Variants in CNTN4 observed in about 807,000 individuals in gnomAD.
CNTN4 encodes the protein contactin 4, also known as contactin-4.
A neutral mutation model predicts 122.5 loss-of-function variants in CNTN4; 77 were observed. The observed-to-expected ratio is 0.63, with a 90% confidence interval of 0.52 to 0.76. The LOEUF is 0.76. Ranked by LOEUF, CNTN4 falls within the 30% of genes least tolerant of loss-of-function variation. The pLI is 0.00. For synonymous variants in CNTN4, 512 were observed against 447.0 expected, an observed-to-expected ratio of 1.15 and a Z score of -1.83; for missense variants, 1,256 against 1,259.1, an observed-to-expected ratio of 1.00 and a Z score of 0.04.
At chr3:2,955,703 T>C (rs1054107736) in intron 13 of CNTN4, among the ~76,000 whole-genome samples, 1 of 152,218 alleles carries the variant, frequency 6.6e-6, no homozygotes, top group Non-Finnish European at 1.5e-5. Flanking sequence ...TAATATCTCA[T>C]GGCAGAGGCT....
At chr3:2,833,229 C>A (rs1197903466) in intron 7 of CNTN4, among the ~76,000 whole-genome samples, 1 of 152,118 alleles carries the variant, frequency 6.6e-6, no homozygotes, top group East Asian at 1.9e-4. Flanking sequence ...GAGTTGCCGC[C>A]AATGCAGATT....
intron 2 of CNTN4, among the ~76,000 whole-genome samples, chr3:2,140,782 T>C (rs764694220): frequency 6.6e-6 from 1 of 152,202 alleles, no homozygotes; most frequent in Non-Finnish European, 1.5e-5. Context: ...TCAAAATTTA[T>C]ATTTTGCACT....
At chr3:2,301,423 T>TA (rs1351188125) in intron 2 of CNTN4, among the ~76,000 whole-genome samples, 1 of 152,234 alleles carries the variant, frequency 6.6e-6, no homozygotes, top group African/African-American at 2.4e-5. Context: ...AGAAAGCTTG[T>TA]AATACGCTTT....
intron 2 of CNTN4, among the ~76,000 whole-genome samples, chr3:2,232,502 A>C (rs2039524456): frequency 1.3e-5 from 2 of 152,074 alleles, no homozygotes; most frequent in Middle Eastern, 3.2e-3. Flanking sequence ...ATCTCATTTT[A>C]TCTTTACAGC....
At position 2,809,893 on chromosome 3, in the gene CNTN4, TC is replaced by T. The variant is rs573750704; in HGVS notation, c.359-9592del. ...AAAGGTCTAGATAAAATAGAGTATG[TC>T]AAAGAAATGAGGAAAAGGAAAGAAC... On this transcript the variant is annotated intron_variant, in intron 6 of 24. Coordinates refer to ENST00000418658, the MANE Select transcript of CNTN4 (RefSeq NM_175607.3). 1.8e-3 allele frequency among the ~76,000 whole-genome samples: 277 copies of T among 152,084 alleles called. 3 individuals carry two copies. Among genetic ancestry groups the T allele is most frequent in the African/African-American group, 6.3e-3 (262 of 41,458 alleles).
intron 4 of CNTN4, among the ~76,000 whole-genome samples, chr3:2,727,205 GA>G (rs2149432366): frequency 6.6e-6 from 1 of 152,238 alleles, no homozygotes; most frequent in South Asian, 2.1e-4. Context: ...TGTAATTTTA[GA>G]AGAGAAATAT....
At chr3:2,498,954 T>C (rs2076524167) in intron 3 of CNTN4, among the ~76,000 whole-genome samples, 1 of 152,106 alleles carries the variant, frequency 6.6e-6, no homozygotes. Context: ...CACACCAGGC[T>C]AATTTTTGTA....
In CNTN4 at chr3:2,571,433, A is replaced by C; in HGVS notation, c.-71A>C. The C allele has an allele frequency of 9.3e-7, 1 of 1,076,940 alleles. No individual in the cohort carries two copies. Among genetic ancestry groups the C allele is most frequent in the East Asian group, 2.4e-5 (1 of 42,252 alleles). 66.7% of individuals were successfully genotyped at this position (1,076,940 alleles called of 1,614,324 possible). On this transcript the variant is annotated 5_prime_UTR_variant, in exon 4 of 25. Coordinates refer to ENST00000418658, the MANE Select transcript of CNTN4 (RefSeq NM_175607.3). ...TCCCACAGATTAAAGGTTATACAAAACTTAAAAGAAGCAGCAATTCTATTC... is the reference window on the plus strand; with the variant it reads ...TCCCACAGATTAAAGGTTATACAAACCTTAAAAGAAGCAGCAATTCTATTC...
chr3:2,709,408 G>A lies in CNTN4; in HGVS notation c.56-26807G>A, dbSNP rs2675294. 0.56 allele frequency among the ~76,000 whole-genome samples: 85,187 copies of A among 151,678 alleles called. 27,337 individuals are homozygous for A. The highest frequency in any genetic ancestry group is 0.97 in the East Asian group (5,002 of 5,136). On this transcript the variant is annotated intron_variant, in intron 4 of 24. Transcript: ENST00000418658. This position sits in a 1 kb window ranked among gnomAD's most constrained non-coding sequence, Gnocchi z 5.0. ...GATTTGATTGGTAAGGGTACAACCT[G>A]TGCACCAGGGATTTTCAAAGTTCCC...
At chr3:2,927,982 T>C (rs2094488873) in intron 13 of CNTN4, among the ~76,000 whole-genome samples, 1 of 152,176 alleles carries the variant, frequency 6.6e-6, no homozygotes, top group Non-Finnish European at 1.5e-5. Flanking sequence ...GATGATTTTG[T>C]TAATGTAAAT....
chr3:2,552,997 AGTACAC>A (rs1188446631), intron 3 of CNTN4, among the ~76,000 whole-genome samples: 2 of 152,160 alleles, frequency 1.3e-5, no homozygotes, highest in African/African-American at 2.4e-5. Context: ...CTCCTTGGCA[AGTACAC>A]GTCTTACCTG....
chr3:2,687,519 T>A (rs1161869868), intron 4 of CNTN4, among the ~76,000 whole-genome samples: 1 of 152,090 alleles, frequency 6.6e-6, no homozygotes, highest in Non-Finnish European at 1.5e-5. Context: ...AAAAATTATC[T>A]GGGCATGGTG....
chr3:2,869,643 A>G (rs997763894), intron 8 of CNTN4, among the ~76,000 whole-genome samples: 4 of 152,178 alleles, frequency 2.6e-5, no homozygotes, highest in Admixed American at 2.0e-4. Context: ...CTATAATAAC[A>G]TTCATCTGGT....
intron 4 of CNTN4, among the ~76,000 whole-genome samples, chr3:2,616,930 C>G (rs546716144): frequency 6.6e-6 from 1 of 152,234 alleles, no homozygotes; most frequent in African/African-American, 2.4e-5. Context: ...GGAAAACTGG[C>G]TAGCCATACG....
chr3:2,640,547 T>C (rs899930553), intron 4 of CNTN4, among the ~76,000 whole-genome samples: 2 of 152,126 alleles, frequency 1.3e-5, no homozygotes, highest in African/African-American at 4.8e-5. Flanking sequence ...AAAAGGATGA[T>C]TGGGTAGTGG....
At chr3:3,007,906 G>A (rs1380398242) in intron 14 of CNTN4, among the ~76,000 whole-genome samples, 2 of 152,140 alleles carry the variant, frequency 1.3e-5, no homozygotes, top group Admixed American at 1.3e-4. Context: ...ACCATCCTGG[G>A]CAAGCAAGGA....
intron 12 of CNTN4, among the ~76,000 whole-genome samples, chr3:2,911,174 A>G (rs1243376467): frequency 6.9e-6 from 1 of 145,152 alleles, no homozygotes; most frequent in Non-Finnish European, 1.5e-5. Context: ...AAACTGGGCT[A>G]TGTGGGAGGC....
At chr3:2,635,604 G>T (rs1177458947) in intron 4 of CNTN4, among the ~76,000 whole-genome samples, 2 of 152,100 alleles carry the variant, frequency 1.3e-5, no homozygotes, top group Non-Finnish European at 2.9e-5. Context: ...CCCACAGCAG[G>T]ACTTGTTAGT....
chr3:2,855,944 T>C (rs2150723436), intron 7 of CNTN4, among the ~76,000 whole-genome samples: 1 of 152,334 alleles, frequency 6.6e-6, no homozygotes, highest in East Asian at 1.9e-4. Flanking sequence ...AGGTTTTTTT[T>C]GTTGTTATTT....
Sources: allele counts gnomAD v4.1 joint callset (sites outside exome capture counted in the v4.1 genomes callset), GRCh38; gene constraint gnomAD v4.1.1; non-coding constraint Gnocchi (gnomAD v3.1); transcripts MANE v1.5; gene names NCBI Gene and HGNC (gene_info 2026-07-23, HGNC 2026-07-21).